The following RTL4 variants were observed in gnomAD, a reference collection of about 807,000 sequenced individuals.
RTL4 encodes retrotransposon Gag-like protein 4.
Under a neutral mutation model 5.3 loss-of-function variants are expected in RTL4, and 4 were observed. That is an observed-to-expected ratio of 0.75 (90% CI 0.37 to 1.72). The LOEUF (loss-of-function observed/expected upper bound fraction) is 1.72. Ranked by LOEUF, RTL4 falls within the 40% of genes most tolerant of loss-of-function variation. The pLI, the probability that RTL4 is intolerant of heterozygous loss-of-function variation, is 0.04. For missense variants in RTL4, 260 were observed against 227.1 expected, an observed-to-expected ratio of 1.14 and a Z score of -0.93; for synonymous variants, 98 against 87.3, an observed-to-expected ratio of 1.12 and a Z score of -0.68.
At chrX:112,121,980 T>G in the RTL4 span, among the ~76,000 whole-genome samples, 6 of 111,937 alleles carry the variant, frequency 5.4e-5, no homozygotes, top group Non-Finnish European at 9.4e-5. Context: ...TAAATTTGAT[T>G]AAGGAGATTT....
the RTL4 span, among the ~76,000 whole-genome samples, chrX:112,230,819 A>AC: frequency 3.2e-3 from 360 of 111,943 alleles, 1 homozygote; most frequent in African/African-American, 0.011. Context: ...AATTTTTGCA[A>AC]CCTACTCATC....
chrX:112,152,076 A>T, the RTL4 span, among the ~76,000 whole-genome samples: 326 of 111,779 alleles, frequency 2.9e-3, no homozygotes, highest in African/African-American at 0.01. Context: ...CTTGACCGGG[A>T]TACTTTCTTC....
At chrX:112,387,195 A>ATT in the RTL4 span, among the ~76,000 whole-genome samples, 1,064 of 102,531 alleles carry the variant, frequency 0.01, 16 homozygotes, top group African/African-American at 0.036. Context: ...CCACTTTTTG[A>ATT]TTTTTTTTTT....
At chrX:112,434,450 G>A in the RTL4 span, among the ~76,000 whole-genome samples, 9 of 111,567 alleles carry the variant, frequency 8.1e-5, no homozygotes, top group African/African-American at 2.9e-4. Context: ...CTTCTTCCTG[G>A]TTTAGTCTTG....
At chrX:112,102,987 T>A in the RTL4 span, among the ~76,000 whole-genome samples, 1 of 111,148 alleles carries the variant, frequency 9.0e-6, no homozygotes, top group East Asian at 2.8e-4. Context: ...TTGGTAGGAG[T>A]GTAAATTAGT....
chrX:112,096,913 C>A, the RTL4 span, among the ~76,000 whole-genome samples: 2 of 112,210 alleles, frequency 1.8e-5, no homozygotes, highest in Non-Finnish European at 3.8e-5. Flanking sequence ...CTTTAGTGTT[C>A]CCTAACAGAT....
the RTL4 span, among the ~76,000 whole-genome samples, chrX:112,373,021 ATCT>A: frequency 1.8e-5 from 2 of 111,175 alleles, no homozygotes; most frequent in African/African-American, 6.5e-5. Flanking sequence ...TAGATTCCCC[ATCT>A]TCTTCTCACT....
At chrX:112,252,535 G>A in the RTL4 span, among the ~76,000 whole-genome samples, 1 of 111,269 alleles carries the variant, frequency 9.0e-6, no homozygotes, top group Non-Finnish European at 1.9e-5. Flanking sequence ...GTTTGAGCAC[G>A]GCAAATTTAT....
At chrX:112,276,537 T>C in the RTL4 span, among the ~76,000 whole-genome samples, 1 of 111,979 alleles carries the variant, frequency 8.9e-6, no homozygotes, top group East Asian at 2.8e-4. Context: ...CACAAATTAA[T>C]TTGACCTCAG....
At chrX:112,452,241 C>A (rs1272917971), upstream of RTL4, among the ~76,000 whole-genome samples, 1 of 103,726 alleles carries the variant, frequency 9.6e-6, no homozygotes, top group African/African-American at 3.5e-5. Flanking sequence ...CAGGCACGTG[C>A]CACCACGCGC....
chrX:112,107,110 C>T, the RTL4 span, among the ~76,000 whole-genome samples: 1 of 111,510 alleles, frequency 9.0e-6, no homozygotes, highest in Non-Finnish European at 1.9e-5. Flanking sequence ...TTTGTGGTTA[C>T]TATGAGTCTT....
the RTL4 span, among the ~76,000 whole-genome samples, chrX:112,314,483 G>C: frequency 1.1e-5 from 1 of 88,164 alleles, no homozygotes; most frequent in South Asian, 4.1e-4. Flanking sequence ...AAATGAGGTA[G>C]TAGTGATGAG....
At chrX:112,111,455 C>T in the RTL4 span, among the ~76,000 whole-genome samples, 12 of 112,475 alleles carry the variant, frequency 1.1e-4, no homozygotes, top group African/African-American at 1.6e-4. Flanking sequence ...TGTAAGACTG[C>T]GACCTCCTTG....
chrX:112,312,659 G>A, the RTL4 span, among the ~76,000 whole-genome samples: 1 of 111,484 alleles, frequency 9.0e-6, no homozygotes, highest in Non-Finnish European at 1.9e-5. Flanking sequence ...CTGAAGAGCA[G>A]TTGAAATCTT....
At chrX:112,138,358 T>C in the RTL4 span, among the ~76,000 whole-genome samples, 1 of 111,878 alleles carries the variant, frequency 8.9e-6, no homozygotes, top group Non-Finnish European at 1.9e-5. Flanking sequence ...CAATACTGTT[T>C]TACACACTTC....
At chrX:112,161,734 C>G in the RTL4 span, among the ~76,000 whole-genome samples, 4 of 110,675 alleles carry the variant, frequency 3.6e-5, no homozygotes, top group Middle Eastern at 9.3e-3. Flanking sequence ...AGAATATATT[C>G]TTTATCTTTT....
At chrX:112,276,478 A>G in the RTL4 span, among the ~76,000 whole-genome samples, 3 of 112,225 alleles carry the variant, frequency 2.7e-5, no homozygotes, top group African/African-American at 9.7e-5. Flanking sequence ...AAAGCTCTAA[A>G]TAGTCTGCAA....
the RTL4 span, among the ~76,000 whole-genome samples, chrX:112,330,520 TG>T: frequency 2.7e-5 from 3 of 110,762 alleles, no homozygotes; most frequent in African/African-American, 9.9e-5. Context: ...TACAAACAAA[TG>T]GAAGAACATT....
the RTL4 span, among the ~76,000 whole-genome samples, chrX:112,206,035 G>A: frequency 8.9e-6 from 1 of 111,888 alleles, no homozygotes; most frequent in African/African-American, 3.2e-5. Context: ...CATTTTGAAT[G>A]TCTTTTTATT....
Sources: gnomAD v4.1 joint callset for allele counts (sites outside exome capture counted in the v4.1 genomes callset) on GRCh38, gnomAD v4.1.1 for gene constraint, MANE v1.5 for transcripts, NCBI Gene and HGNC (gene_info 2026-07-23, HGNC 2026-07-21) for gene names.